Variants in CD99 observed in about 807,000 individuals in gnomAD.
The protein encoded by CD99 is CD99 molecule (Xg blood group), also known as CD99 antigen.
In CD99, 19 loss-of-function variants were observed where a neutral mutation model predicts 28.4. The observed-to-expected ratio is 0.67, with a 90% confidence interval of 0.47 to 0.98. The LOEUF (loss-of-function observed/expected upper bound fraction) is 0.98, where lower values mean the gene tolerates loss of function less well. Ranked by LOEUF, CD99 falls within the 50% of genes least tolerant of loss-of-function variation. The probability of loss-of-function intolerance (pLI) is 0.00; values close to 1 mark genes in which losing one functional copy is unlikely to be tolerated. For synonymous variants in CD99, 103 were observed against 92.1 expected (o/e 1.12, Z -0.67); for missense variants, 283 against 248.8 (o/e 1.14, Z -0.92).
intron 9 of CD99, among the ~76,000 whole-genome samples, chrX:2,739,763 A>G (rs1359308777): frequency 1.3e-5 from 2 of 150,990 alleles, no homozygotes; most frequent in Middle Eastern, 3.5e-3. Context: ...ATTCCATTTT[A>G]AAGATAGAGA....
At chrX:2,691,640 G>A (rs751862128) in intron 1 of CD99, 5 of 712,646 alleles carry the variant, frequency 7.0e-6, no homozygotes, top group South Asian at 6.0e-5. Flanking sequence ...AGAGAGAAAA[G>A]TCAGCGTTTG....
At chrX:2,716,136 T>A (rs1295542105) in intron 2 of CD99, among the ~76,000 whole-genome samples, 2 of 151,722 alleles carry the variant, frequency 1.3e-5, no homozygotes, top group East Asian at 1.9e-4. Flanking sequence ...CTCCTGCCTC[T>A]GCCTCCCGAG....
intron 1 of CD99, among the ~76,000 whole-genome samples, chrX:2,694,524 C>T (rs1286309994): frequency 2.0e-5 from 3 of 151,600 alleles, no homozygotes; most frequent in South Asian, 2.1e-4. Flanking sequence ...GGCCGAGGGC[C>T]GGTGGGTCAC....
rs183380925 is a variant in CD99, at chrX:2,730,856, G to A, written c.475+4483G>A. Among the ~76,000 whole-genome samples, 100 of 151,254 alleles carry A rather than the reference G, an allele frequency of 6.6e-4. No individual in the cohort carries two copies. In the East Asian group the frequency reaches 0.015, roughly 23 times the overall value. ...TGAGGCAGGGAATTGCTTGAACCCG[G>A]GAGGCAGAGGTTGCAGTGAGCCAAG... On this transcript the variant is annotated intron_variant, in intron 8 of 9. Transcript: ENST00000381192.
Position 2,691,480 on chromosome X carries a change from C to CTGGGGATCCGCTTGAGATGCGGCGT in CD99, c.67+59_67+83dup, listed in dbSNP as rs778972324. The CTGGGGATCCGCTTGAGATGCGGCGT allele has an allele frequency of 6.1e-5, 94 of 1,535,920 alleles. 1 individual carries two copies. In the African/African-American group the frequency reaches 1.3e-3, roughly 20 times the overall value. Reference sequence around the variant, plus strand: ...GGGACGCGGAGGGCGCGGGCCGGGACTGGGGATCCGCTTGAGATGCGGCGT... The same window carrying CTGGGGATCCGCTTGAGATGCGGCGT: ...GGGACGCGGAGGGCGCGGGCCGGGACTGGGGATCCGCTTGAGATGCGGCGTTGGGGATCCGCTTGAGATGCGGCGT... On this transcript the variant is annotated intron_variant, in intron 1 of 9. Coordinates refer to ENST00000381192, the MANE Select transcript of CD99 (RefSeq NM_002414.5).
chrX:2,699,663 C>T (rs2047754126), intron 1 of CD99, among the ~76,000 whole-genome samples: 1 of 152,074 alleles, frequency 6.6e-6, no homozygotes, highest in Non-Finnish European at 1.5e-5. Flanking sequence ...CCCTATGTTG[C>T]CCAGTTTAGT....
intron 8 of CD99, chrX:2,733,753 C>T (rs771344587): frequency 9.4e-6 from 3 of 320,040 alleles, no homozygotes; most frequent in Non-Finnish European, 1.7e-5. Context: ...GGGTGGCCAC[C>T]CTCTTCCCTG....
chrX:2,709,760 A>G (rs1200267684), intron 1 of CD99, among the ~76,000 whole-genome samples: 1 of 152,284 alleles, frequency 6.6e-6, no homozygotes, highest in African/African-American at 2.4e-5. Context: ...ATGCACACGT[A>G]TACCCAGGCC....
At chrX:2,723,203 T>G in intron 6 of CD99, 111 bp from the exon 7 acceptor site, 1 of 1,068,136 alleles carries the variant, frequency 9.4e-7, no homozygotes, top group Non-Finnish European at 1.5e-6. Context: ...CTGGGTAACA[T>G]GTACCCCCGT....
At chrX:2,709,643 G>A (rs1442207566) in intron 1 of CD99, among the ~76,000 whole-genome samples, 17 of 152,100 alleles carry the variant, frequency 1.1e-4, no homozygotes, top group South Asian at 4.2e-4. Context: ...GCATGAGCAC[G>A]CGTATATGAA....
intron 1 of CD99, among the ~76,000 whole-genome samples, chrX:2,713,765 G>A (rs2048556176): frequency 6.6e-6 from 1 of 152,136 alleles, no homozygotes; most frequent in Non-Finnish European, 1.5e-5. Flanking sequence ...GGATGTTGAC[G>A]ATTATCCTAA....
chrX:2,719,434 CT>C, intron 3 of CD99: 1 of 574,090 alleles, frequency 1.7e-6, no homozygotes, highest in East Asian at 2.8e-5. Flanking sequence ...TCTCTCCTAG[CT>C]TTTTATCTGT....
intron 2 of CD99, chrX:2,714,783 C>T (rs1255089393): frequency 4.7e-5 from 12 of 257,682 alleles, no homozygotes; most frequent in Admixed American, 4.2e-4. Flanking sequence ...TGCTGCAGGC[C>T]TTCCGTTTGT....
intron 1 of CD99, among the ~76,000 whole-genome samples, chrX:2,711,776 A>T (rs2048420030): frequency 6.6e-6 from 1 of 152,208 alleles, no homozygotes. Context: ...GCGGTGGCTC[A>T]TGCCTGTCAT....
intron 1 of CD99, among the ~76,000 whole-genome samples, chrX:2,704,599 A>G (rs757890513): frequency 1.3e-5 from 2 of 151,934 alleles, no homozygotes; most frequent in African/African-American, 4.8e-5. Flanking sequence ...ATGCCCAGCT[A>G]ATTTAGCAGA....
intron 1 of CD99, among the ~76,000 whole-genome samples, chrX:2,700,701 A>G (rs751398123): frequency 1.1e-4 from 17 of 151,002 alleles, no homozygotes; most frequent in Non-Finnish European, 1.9e-4. Context: ...TCATCCAGCC[A>G]CTCATCAATT....
intron 1 of CD99, among the ~76,000 whole-genome samples, chrX:2,706,891 G>T: frequency 6.6e-6 from 1 of 151,780 alleles, no homozygotes. Context: ...TGCGATCTCG[G>T]CTCACTGCAA....
At chrX:2,714,504 A>C (rs368535294) in intron 2 of CD99, 50 bp downstream of exon 2, 1 of 1,450,226 alleles carries the variant, frequency 6.9e-7, no homozygotes, top group African/African-American at 1.4e-5. Flanking sequence ...TTATGTTAAC[A>C]TAGTATATAC....
In CD99 at chrX:2,717,475, G is replaced by A. The variant is rs184798506; in HGVS notation, c.101-130G>A. The A allele has an allele frequency of 7.1e-5, 53 of 748,224 alleles. No individual in the cohort carries two copies. In the East Asian group the frequency reaches 1.3e-3, roughly 19 times the overall value. The allele number at this position is 748,224 out of a possible 1,614,324, so 46.3% of individuals were successfully genotyped here. On this transcript the variant is annotated intron_variant, in intron 2 of 9. Coordinates refer to ENST00000381192, the MANE Select transcript of CD99 (RefSeq NM_002414.5). ...ATAAACCTCAGCTCGGTGTGGGCAG[G>A]TGAGAAAAAACAATGCTAAAAACAT...
Sources: allele counts gnomAD v4.1 joint callset (sites outside exome capture counted in the v4.1 genomes callset), GRCh38; gene constraint gnomAD v4.1.1; transcripts MANE v1.5; gene names NCBI Gene and HGNC (gene_info 2026-07-23, HGNC 2026-07-21).